TMEM132D: variants seen among roughly 807,000 people sequenced by gnomAD.
TMEM132D encodes transmembrane protein 132D.
Under a neutral mutation model 62.3 loss-of-function variants are expected in TMEM132D, and 21 were observed. The ratio of observed to expected loss-of-function variants is 0.34; its 90% confidence interval spans 0.24 to 0.49. The LOEUF is 0.49. Among genes scored for constraint, TMEM132D ranks in the 20% least tolerant of loss-of-function variants. TMEM132D has a pLI of 0.99. For synonymous variants in TMEM132D, 621 were observed against 575.6 expected (o/e 1.08, Z -1.13); for missense variants, 1,346 against 1,402.8 (o/e 0.96, Z 0.65).
At position 129,776,540 on chromosome 12, in the gene TMEM132D, C is replaced by T. The variant is rs535686714; in HGVS notation, c.80-75842G>A. 7.2e-5 allele frequency among the ~76,000 whole-genome samples: 11 copies of T among 151,914 alleles called. No individual in the cohort carries two copies. The South Asian group carries it at 8.3e-4, about 11-fold the overall frequency. On this transcript the variant is annotated intron_variant, in intron 1 of 8. Transcript: ENST00000422113. ...TGACTACTAGTAAAAAGGAAAAAGC[C>T]GAATATTCACCCCTCATGCTTCATA...
chr12:129,449,220 A>G (rs938568544), intron 3 of TMEM132D, among the ~76,000 whole-genome samples: 6 of 152,236 alleles, frequency 3.9e-5, no homozygotes, highest in African/African-American at 1.4e-4. Flanking sequence ...GACCTGGGGA[A>G]AACTGTGTAA....
At chr12:129,690,435 C>T (rs1022529381) in intron 2 of TMEM132D, among the ~76,000 whole-genome samples, 1 of 151,960 alleles carries the variant, frequency 6.6e-6, no homozygotes, top group Non-Finnish European at 1.5e-5. Context: ...CATGATTTGC[C>T]TATATGATAT....
chr12:129,755,426 T>C (rs946700852), intron 1 of TMEM132D, among the ~76,000 whole-genome samples: 8 of 152,162 alleles, frequency 5.3e-5, no homozygotes, highest in South Asian at 2.1e-4. Flanking sequence ...GTTGCTGGAT[T>C]AGTGCATTAT....
At chr12:129,688,824 T>C (rs939784597) in intron 2 of TMEM132D, among the ~76,000 whole-genome samples, 12 of 152,038 alleles carry the variant, frequency 7.9e-5, no homozygotes, top group Admixed American at 2.6e-4. Context: ...CAAGAAAAAA[T>C]TGACAATACA....
At chr12:129,457,383 T>C (rs1449157701) in intron 3 of TMEM132D, among the ~76,000 whole-genome samples, 1 of 137,492 alleles carries the variant, frequency 7.3e-6, no homozygotes, top group Non-Finnish European at 1.5e-5. Context: ...AGGTGGGAAT[T>C]GAACAATGAG....
chr12:129,707,295 GAAC>G (rs1192335678), intron 1 of TMEM132D, among the ~76,000 whole-genome samples: 3 of 148,084 alleles, frequency 2.0e-5, no homozygotes, highest in African/African-American at 5.0e-5. Flanking sequence ...GTTAAAAAAT[GAAC>G]AAATCATACA....
chr12:129,695,305 A>G (rs1881178235), intron 2 of TMEM132D, among the ~76,000 whole-genome samples: 1 of 152,236 alleles, frequency 6.6e-6, no homozygotes, highest in South Asian at 2.1e-4. Context: ...ATGTGTCAAT[A>G]TTGGTGAATT....
intron 3 of TMEM132D, among the ~76,000 whole-genome samples, chr12:129,429,691 G>A (rs559726760): frequency 6.8e-4 from 102 of 149,748 alleles, no homozygotes; most frequent in African/African-American, 2.4e-3. Flanking sequence ...CCATTAACTC[G>A]TCACTTAGCA....
intron 1 of TMEM132D, among the ~76,000 whole-genome samples, chr12:129,792,985 G>A (rs968534278): frequency 3.9e-5 from 6 of 152,024 alleles, no homozygotes; most frequent in Admixed American, 2.6e-4. Context: ...CAGATTAGAC[G>A]ATATTATGTG....
intron 2 of TMEM132D, among the ~76,000 whole-genome samples, chr12:129,692,621 G>A (rs1400232003): frequency 6.6e-6 from 1 of 152,202 alleles, no homozygotes; most frequent in Non-Finnish European, 1.5e-5. Flanking sequence ...TGATAGACTG[G>A]ATAAAGAAAA....
In TMEM132D at chr12:129,074,502, C is replaced by T. The variant is rs561185434; in HGVS notation, c.2673G>A (p.Gln891=). The T allele has an allele frequency of 2.5e-6, 4 of 1,614,080 alleles. No individual in the cohort carries two copies. The African/African-American group carries it at 4.0e-5, about 16-fold the overall frequency. The part of the protein sequence containing the change: ...IPSDLTSFPA[Q]VDLPRSNGEM... ...CCCCATTGCTTCTGGGGAGGTCCAC[C>T]TGGGCTGGGAAGCTGGTGAGGTCGC... The change falls in exon 9 of 9, where the codon CAG becomes CAA. Residue 891 remains glutamine (Q), a synonymous_variant. Coordinates refer to ENST00000422113, the MANE Select transcript of TMEM132D (RefSeq NM_133448.3).
intron 1 of TMEM132D, among the ~76,000 whole-genome samples, chr12:129,821,597 G>A (rs185556270): frequency 3.3e-5 from 5 of 152,314 alleles, no homozygotes; most frequent in Admixed American, 1.3e-4. Flanking sequence ...TCGATCTGAA[G>A]AAATATGGAA....
chr12:129,634,694 A>G (rs1879435014), intron 2 of TMEM132D, among the ~76,000 whole-genome samples: 1 of 152,186 alleles, frequency 6.6e-6, no homozygotes, highest in Non-Finnish European at 1.5e-5. Flanking sequence ...TTGGCAGGTC[A>G]GAGTTGGAAT....
Position 129,098,978 on chromosome 12 carries a change from A to G in TMEM132D, c.1444-14276T>C, listed in dbSNP as rs537934002. 2.0e-5 allele frequency among the ~76,000 whole-genome samples: 3 copies of G among 152,322 alleles called. No individual in the cohort carries two copies. The South Asian group carries it at 6.2e-4, about 32-fold the overall frequency. On this transcript the variant is annotated intron_variant, in intron 5 of 8. Transcript: ENST00000422113. ...TGCCTAAAATCTGGACCCCACAGGA[A>G]GAAAACAATGGCCTCTGGTGCCTTC... is the stretch of plus-strand genomic sequence containing the variant.
intron 1 of TMEM132D, among the ~76,000 whole-genome samples, chr12:129,820,975 T>C (rs1408568060): frequency 6.6e-6 from 1 of 152,216 alleles, no homozygotes; most frequent in Non-Finnish European, 1.5e-5. Flanking sequence ...GCAAAGATTA[T>C]ATGTCAGCCT....
chr12:129,381,532 T>C (rs1014350333), intron 3 of TMEM132D, among the ~76,000 whole-genome samples: 4 of 152,194 alleles, frequency 2.6e-5, no homozygotes, highest in Admixed American at 6.5e-5. Flanking sequence ...TTTTTATTGA[T>C]TCCCATTTTG....
At chr12:129,625,926 C>T (rs908466451) in intron 2 of TMEM132D, among the ~76,000 whole-genome samples, 8 of 152,294 alleles carry the variant, frequency 5.3e-5, no homozygotes, top group South Asian at 2.1e-4. Flanking sequence ...CTTTAAACAA[C>T]GTCACGTGTA....
chr12:129,169,845 T>G (rs117843283), intron 5 of TMEM132D, among the ~76,000 whole-genome samples: 1,993 of 152,360 alleles, frequency 0.013, 53 homozygotes, highest in East Asian at 0.11. Flanking sequence ...ACTTCCACTA[T>G]TCTACCTTTT....
intron 2 of TMEM132D, among the ~76,000 whole-genome samples, chr12:129,649,804 G>A (rs939759936): frequency 6.6e-6 from 1 of 151,530 alleles, no homozygotes; most frequent in African/African-American, 2.4e-5. Flanking sequence ...GTGCGTATGT[G>A]TGTGTGTATG....
Sources: allele counts gnomAD v4.1 joint callset (sites outside exome capture counted in the v4.1 genomes callset), GRCh38; gene constraint gnomAD v4.1.1; transcripts MANE v1.5; gene names NCBI Gene and HGNC (gene_info 2026-07-23, HGNC 2026-07-21).